MALRD1: variants seen among roughly 807,000 people sequenced by gnomAD.
The protein encoded by MALRD1 is MAM and LDL receptor class A domain containing 1.
Under a neutral mutation model 242.1 loss-of-function variants are expected in MALRD1, and 247 were observed. The ratio of observed to expected loss-of-function variants is 1.02; its 90% CI spans 0.92 to 1.13. The LOEUF is 1.13. Ranked by LOEUF, MALRD1 falls within the 50% of genes most tolerant of loss-of-function variation. The pLI, the probability that MALRD1 is intolerant of heterozygous loss-of-function variation, is 0.00. For synonymous variants in MALRD1, 995 were observed against 866.6 expected, an observed-to-expected ratio of 1.15 and a Z score of -2.60; for missense variants, 2,989 against 2,533.1, an observed-to-expected ratio of 1.18 and a Z score of -3.86.
intron 29 of MALRD1, among the ~76,000 whole-genome samples, chr10:19,465,229 A>G (rs995113056): frequency 6.6e-6 from 1 of 152,072 alleles, no homozygotes; most frequent in Non-Finnish European, 1.5e-5. Flanking sequence ...TGCTCTAGCT[A>G]GGGCTTCCAG....
chr10:19,050,626 TA>T (rs1023060026), intron 1 of MALRD1, among the ~76,000 whole-genome samples: 3 of 152,198 alleles, frequency 2.0e-5, no homozygotes, highest in Admixed American at 6.5e-5. Flanking sequence ...TACTACTCAG[TA>T]ACCATTCAAT....
chr10:19,148,497 TAAG>T (rs1219699751), intron 11 of MALRD1, among the ~76,000 whole-genome samples: 2 of 152,020 alleles, frequency 1.3e-5, no homozygotes, highest in African/African-American at 4.8e-5. Flanking sequence ...TCCATTCTAA[TAAG>T]AAGACTAGGA....
chr10:19,729,173 A>G (rs1479031220), intron 38 of MALRD1, among the ~76,000 whole-genome samples: 1 of 152,212 alleles, frequency 6.6e-6, no homozygotes, highest in Admixed American at 6.5e-5. Context: ...AGCCAAACAT[A>G]ATTAGCTAGA....
chr10:19,400,130 G>T (rs922443537), intron 28 of MALRD1, among the ~76,000 whole-genome samples: 5 of 152,164 alleles, frequency 3.3e-5, no homozygotes, highest in African/African-American at 1.2e-4. Context: ...CTATCATGGA[G>T]CTTGTGAGTT....
chr10:19,242,500 C>T (rs1301007348), intron 18 of MALRD1, among the ~76,000 whole-genome samples: 2 of 152,010 alleles, frequency 1.3e-5, no homozygotes, highest in Non-Finnish European at 2.9e-5. Flanking sequence ...ATAATCTGTC[C>T]ATTTTTAAAG....
intron 5 of MALRD1, among the ~76,000 whole-genome samples, chr10:19,119,937 T>A (rs1028498616): frequency 6.6e-6 from 1 of 151,836 alleles, no homozygotes; most frequent in Non-Finnish European, 1.5e-5. Context: ...GTCTCAGTCA[T>A]ACTTTTGCAA....
At chr10:19,170,716 A>G (rs1471881035) in intron 13 of MALRD1, among the ~76,000 whole-genome samples, 3 of 152,150 alleles carry the variant, frequency 2.0e-5, no homozygotes, top group Admixed American at 6.6e-5. Flanking sequence ...GAGATGCAGG[A>G]TAGTATAATC....
At chr10:19,368,793 T>C (rs1254225649) in intron 26 of MALRD1, among the ~76,000 whole-genome samples, 1 of 151,670 alleles carries the variant, frequency 6.6e-6, no homozygotes, top group East Asian at 1.9e-4. Context: ...CTTTCCTCAG[T>C]GTTTTGGTGT....
At position 19,665,273 on chromosome 10, in the gene MALRD1, C is replaced by A. The variant is rs191948451; in HGVS notation, c.6138-27009C>A. 6.6e-5 allele frequency among the ~76,000 whole-genome samples: 10 copies of A among 152,094 alleles called. No homozygotes were observed. In the East Asian group the frequency reaches 1.9e-3, roughly 29 times the overall value. On this transcript the variant is annotated intron_variant, in intron 36 of 39. Transcript: ENST00000454679. ...AAAACAAACAAACAAACAAACAAAA[C>A]GGATTTTGAGCTTCTGTGGTGGAAA...
chr10:19,352,559 A>G (rs1844437265), intron 26 of MALRD1, among the ~76,000 whole-genome samples: 1 of 152,156 alleles, frequency 6.6e-6, no homozygotes, highest in Non-Finnish European at 1.5e-5. Context: ...TCAATAAAAT[A>G]AGAGAAGACT....
At chr10:19,629,075 C>A (rs1230836168) in intron 36 of MALRD1, among the ~76,000 whole-genome samples, 7 of 152,154 alleles carry the variant, frequency 4.6e-5, no homozygotes, top group African/African-American at 1.4e-4. Flanking sequence ...CTAACAGAGT[C>A]ACAAAAATGA....
chr10:19,220,978 C>A (rs1017695583), intron 18 of MALRD1, among the ~76,000 whole-genome samples: 3 of 152,110 alleles, frequency 2.0e-5, no homozygotes, highest in Non-Finnish European at 4.4e-5. Flanking sequence ...AAAATATTCT[C>A]CAGTAGATCT....
chr10:19,306,498 A>T (rs191713454), intron 21 of MALRD1, among the ~76,000 whole-genome samples: 1 of 143,578 alleles, frequency 7.0e-6, no homozygotes, highest in African/African-American at 2.6e-5. Flanking sequence ...AGTGTCGTAT[A>T]TGTACTGTGT....
chr10:19,131,533 A>T (rs1265816161), intron 8 of MALRD1, among the ~76,000 whole-genome samples: 1 of 152,126 alleles, frequency 6.6e-6, no homozygotes, highest in Admixed American at 6.6e-5. Flanking sequence ...TAGGGTTTCC[A>T]TGTAATTATT....
At chr10:19,596,802 G>GGGAGGAAA (rs201071195) in intron 34 of MALRD1, among the ~76,000 whole-genome samples, 1 of 150,088 alleles carries the variant, frequency 6.7e-6, no homozygotes, top group Non-Finnish European at 1.5e-5. Context: ...AAGAGGGGAA[G>GGGAGGAAA]GGAGGAAAGG....
chr10:19,582,024 T>C (rs1837153229), intron 33 of MALRD1, among the ~76,000 whole-genome samples: 1 of 152,254 alleles, frequency 6.6e-6, no homozygotes, highest in African/African-American at 2.4e-5. Context: ...TGCCTTCTTT[T>C]GAGAAGTGTC....
intron 18 of MALRD1, among the ~76,000 whole-genome samples, chr10:19,237,005 A>T (rs568424225): frequency 6.6e-6 from 1 of 152,094 alleles, no homozygotes; most frequent in African/African-American, 2.4e-5. Context: ...TTTTTTAAAA[A>T]TTTTCACATT....
intron 4 of MALRD1, among the ~76,000 whole-genome samples, chr10:19,096,618 C>A (rs1239139470): frequency 6.6e-6 from 1 of 152,134 alleles, no homozygotes; most frequent in African/African-American, 2.4e-5. Flanking sequence ...AAACAGCCTG[C>A]CACCATCTAA....
intron 28 of MALRD1, among the ~76,000 whole-genome samples, chr10:19,448,763 A>T (rs1213202836): frequency 6.6e-6 from 1 of 152,014 alleles, no homozygotes; most frequent in East Asian, 1.9e-4. Context: ...TTATGTAAAA[A>T]CAATCATAGT....
Sources: gnomAD v4.1 joint callset for allele counts (sites outside exome capture counted in the v4.1 genomes callset) on GRCh38, gnomAD v4.1.1 for gene constraint, MANE v1.5 for transcripts, NCBI Gene and HGNC (gene_info 2026-07-23, HGNC 2026-07-21) for gene names.